The following PTPRD variants were observed in gnomAD, a reference collection of about 807,000 sequenced individuals.
The protein encoded by PTPRD is receptor-type tyrosine-protein phosphatase delta.
In PTPRD, 34 loss-of-function variants were observed where a neutral mutation model predicts 214.5. The ratio of observed to expected loss-of-function variants is 0.16; its 90% confidence interval spans 0.12 to 0.21. The LOEUF is 0.21. PTPRD is among the 10% of genes least tolerant of loss of function. The pLI, the probability that PTPRD is intolerant of heterozygous loss-of-function variation, is 1.00. For missense variants in PTPRD, 2,545 were observed against 2,398.7 expected, an observed-to-expected ratio of 1.06 and a Z score of -1.27; for synonymous variants, 1,128 against 845.7, an observed-to-expected ratio of 1.33 and a Z score of -5.79.
intron 6 of PTPRD, among the ~76,000 whole-genome samples, chr9:9,753,315 C>T (rs991636014): frequency 6.6e-6 from 1 of 151,922 alleles, no homozygotes; most frequent in Non-Finnish European, 1.5e-5. Flanking sequence ...AATACAGGGA[C>T]CCCTCTGGAC....
chr9:8,949,888 T>C (rs1394612523), intron 11 of PTPRD, among the ~76,000 whole-genome samples: 1 of 152,138 alleles, frequency 6.6e-6, no homozygotes, highest in Non-Finnish European at 1.5e-5. Flanking sequence ...AGAAGACAAA[T>C]AGAAATTTTA....
intron 11 of PTPRD, among the ~76,000 whole-genome samples, chr9:8,967,964 T>C (rs774610078): frequency 2.0e-5 from 3 of 152,104 alleles, no homozygotes; most frequent in Non-Finnish European, 2.9e-5. Flanking sequence ...CCAAGTGTTC[T>C]CATTGTTCAA....
chr9:9,565,809 T>A (rs1287559176), intron 8 of PTPRD, among the ~76,000 whole-genome samples: 1 of 151,884 alleles, frequency 6.6e-6, no homozygotes, highest in Non-Finnish European at 1.5e-5. Context: ...TTTCCTAGGA[T>A]TTTGAAGAAT....
chr9:10,548,660 G>C (rs764784287), intron 2 of PTPRD, among the ~76,000 whole-genome samples: 1 of 152,148 alleles, frequency 6.6e-6, no homozygotes, highest in Non-Finnish European at 1.5e-5. Flanking sequence ...AAAGAAAAAA[G>C]TGGTAGCACT....
intron 11 of PTPRD, among the ~76,000 whole-genome samples, chr9:8,961,620 T>C (rs570452605): frequency 5.3e-5 from 8 of 152,252 alleles, no homozygotes; most frequent in Non-Finnish European, 1.5e-5. Context: ...GCAACCACTG[T>C]GGCTGATTTC....
chr9:9,655,265 C>G (rs1304715568), intron 7 of PTPRD, among the ~76,000 whole-genome samples: 1 of 152,032 alleles, frequency 6.6e-6, no homozygotes, highest in Non-Finnish European at 1.5e-5. Context: ...AATAAGAAAA[C>G]AATCTGATTA....
chr9:8,766,426 G>A (rs1453523294), intron 11 of PTPRD, among the ~76,000 whole-genome samples: 2 of 152,090 alleles, frequency 1.3e-5, no homozygotes, highest in Non-Finnish European at 2.9e-5. Flanking sequence ...TTTGCACCCT[G>A]AGCTGCCAGG....
intron 7 of PTPRD, among the ~76,000 whole-genome samples, chr9:9,675,072 T>G (rs184744119): frequency 2.6e-5 from 4 of 152,034 alleles, no homozygotes; most frequent in African/African-American, 9.6e-5. Context: ...CTCTAGCACA[T>G]GGAACAAGTC....
At chr9:9,493,944 G>A (rs983939903) in intron 8 of PTPRD, among the ~76,000 whole-genome samples, 1 of 151,928 alleles carries the variant, frequency 6.6e-6, no homozygotes, top group African/African-American at 2.4e-5. Context: ...ATGCTATTAA[G>A]AACATTTGTA....
intron 8 of PTPRD, among the ~76,000 whole-genome samples, chr9:9,479,804 T>G (rs1459272291): frequency 6.6e-6 from 1 of 152,000 alleles, no homozygotes; most frequent in Non-Finnish European, 1.5e-5. Flanking sequence ...AGATACAAAT[T>G]ATTTGGAAAG....
chr9:9,971,440 T>C (rs2095096103), intron 4 of PTPRD, among the ~76,000 whole-genome samples: 1 of 152,158 alleles, frequency 6.6e-6, no homozygotes, highest in African/African-American at 2.4e-5. Flanking sequence ...TATATTAAAA[T>C]TAGCTTGAAA....
chr9:9,257,333 G>C (rs2099978169), intron 9 of PTPRD, among the ~76,000 whole-genome samples: 1 of 151,874 alleles, frequency 6.6e-6, no homozygotes, highest in Non-Finnish European at 1.5e-5. Flanking sequence ...ATGATGTTGA[G>C]TCTGTGGTAG....
At chr9:10,325,093 C>T (rs1328643849) in intron 3 of PTPRD, among the ~76,000 whole-genome samples, 1 of 152,066 alleles carries the variant, frequency 6.6e-6, no homozygotes, top group African/African-American at 2.4e-5. Flanking sequence ...CCCCAATCTA[C>T]TACTCAGTGT....
chr9:9,852,735 G>A (rs1189838278), intron 5 of PTPRD, among the ~76,000 whole-genome samples: 2 of 152,114 alleles, frequency 1.3e-5, no homozygotes, highest in Non-Finnish European at 2.9e-5. Context: ...CAGACATGAT[G>A]CTAGCAGAGG....
chr9:8,619,846 G>A (rs773851374), intron 14 of PTPRD, among the ~76,000 whole-genome samples: 3 of 151,892 alleles, frequency 2.0e-5, no homozygotes, highest in Non-Finnish European at 1.5e-5. Context: ...CATTACACTC[G>A]ATTGTATCCT....
intron 12 of PTPRD, among the ~76,000 whole-genome samples, chr9:8,708,865 T>C (rs936215451): frequency 3.6e-4 from 54 of 151,832 alleles, no homozygotes; most frequent in African/African-American, 1.2e-3. Flanking sequence ...AATGGATGAG[T>C]GAATAAAGAA....
intron 9 of PTPRD, among the ~76,000 whole-genome samples, chr9:9,202,615 CATT>C: frequency 6.6e-6 from 1 of 152,234 alleles, no homozygotes; most frequent in South Asian, 2.1e-4. Flanking sequence ...TGTAGTGGTA[CATT>C]ATTAGTTGTT....
chr9:10,045,329 G>A (rs1383232601), intron 3 of PTPRD, among the ~76,000 whole-genome samples: 1 of 151,706 alleles, frequency 6.6e-6, no homozygotes, highest in South Asian at 2.1e-4. Flanking sequence ...TATTAGAACA[G>A]TGACATAGAA....
At chr9:10,018,028 G>C (rs573356769) in intron 4 of PTPRD, among the ~76,000 whole-genome samples, 16 of 152,174 alleles carry the variant, frequency 1.1e-4, no homozygotes, top group African/African-American at 2.6e-4. Context: ...AACAGCATAA[G>C]TTAGTTTTAT....
Sources: gnomAD v4.1 joint callset for allele counts (sites outside exome capture counted in the v4.1 genomes callset) on GRCh38, gnomAD v4.1.1 for gene constraint, MANE v1.5 for transcripts, NCBI Gene and HGNC (gene_info 2026-07-23, HGNC 2026-07-21) for gene names.